Variants in CEP83 observed in about 807,000 individuals in gnomAD.
CEP83 encodes the protein centrosomal protein 83.
In CEP83, 70 loss-of-function variants were observed where a neutral mutation model predicts 101.9. The observed-to-expected ratio is 0.69, with a 90% CI of 0.57 to 0.84. The LOEUF is 0.84. Ranked by LOEUF, CEP83 falls within the 40% of genes least tolerant of loss-of-function variation. The pLI, the probability that CEP83 is intolerant of heterozygous loss-of-function variation, is 0.00. For synonymous variants in CEP83, 264 were observed against 267.9 expected, an observed-to-expected ratio of 0.99 and a Z score of 0.14; for missense variants, 715 against 787.2, an observed-to-expected ratio of 0.91 and a Z score of 1.10.
At chr12:94,352,254 A>G (rs1416909220) in intron 11 of CEP83, among the ~76,000 whole-genome samples, 1 of 152,112 alleles carries the variant, frequency 6.6e-6, no homozygotes, top group East Asian at 1.9e-4. Flanking sequence ...CCCCGTCTCT[A>G]CTAAAAATAC....
At position 94,434,457 on chromosome 12, in the gene CEP83, T is replaced by C. The variant is rs190640233; in HGVS notation, c.-102+818A>G. Among the ~76,000 whole-genome samples the C allele has an allele frequency of 7.2e-5, 11 of 152,308 alleles. No homozygotes were observed. The East Asian group carries it at 2.1e-3, about 29-fold the overall frequency. ...GAAAATATTTTTTACAGCAGAGACG[T>C]AAGAAAACCGGTTTAGAAAATAGGA... On this transcript the variant is annotated intron_variant, in intron 2 of 16. Transcript: ENST00000397809.
intron 11 of CEP83, among the ~76,000 whole-genome samples, chr12:94,356,354 C>T (rs1023291621): frequency 5.9e-5 from 9 of 152,152 alleles, no homozygotes; most frequent in African/African-American, 1.7e-4. Flanking sequence ...AAAGCTAAAG[C>T]GGCAAAGGAA....
the CEP83 span, among the ~76,000 whole-genome samples, chr12:94,297,972 C>CT: frequency 6.6e-6 from 1 of 151,988 alleles, no homozygotes; most frequent in Non-Finnish European, 1.5e-5. Flanking sequence ...CTGTGGTGAT[C>CT]TTTTTTTTCC....
the CEP83 span, among the ~76,000 whole-genome samples, chr12:94,273,182 T>A: frequency 6.6e-6 from 1 of 152,252 alleles, no homozygotes; most frequent in East Asian, 1.9e-4. Flanking sequence ...AAGCACTCAA[T>A]AAATGCTGGT....
chr12:94,317,432 T>C (rs752124175), intron 14 of CEP83, among the ~76,000 whole-genome samples: 1 of 152,226 alleles, frequency 6.6e-6, no homozygotes, highest in Non-Finnish European at 1.5e-5. Flanking sequence ...AACCCATTTA[T>C]CAACTTTTGC....
chr12:94,371,494 A>G (rs1441812756), intron 8 of CEP83, among the ~76,000 whole-genome samples: 1 of 152,224 alleles, frequency 6.6e-6, no homozygotes, highest in East Asian at 1.9e-4. Context: ...ATATAGTCAT[A>G]TAATAAGGAT....
intron 6 of CEP83, among the ~76,000 whole-genome samples, chr12:94,398,532 A>T (rs1169900490): frequency 1.3e-5 from 2 of 152,198 alleles, no homozygotes; most frequent in South Asian, 4.1e-4. Context: ...GAGGATGTAC[A>T]TCACCTCAGG....
chr12:94,429,365 A>C (rs1326830588), intron 2 of CEP83, among the ~76,000 whole-genome samples: 1 of 152,230 alleles, frequency 6.6e-6, no homozygotes, highest in Non-Finnish European at 1.5e-5. Context: ...AGGGAACTGC[A>C]TGAAGAGTGC....
At chr12:94,316,616 C>T (rs1970729943) in intron 14 of CEP83, among the ~76,000 whole-genome samples, 1 of 150,326 alleles carries the variant, frequency 6.7e-6, no homozygotes. Context: ...TGTTGCTCCC[C>T]TTTGTGTCCA....
At chr12:94,327,588 ATG>A (rs2059025915) in intron 14 of CEP83, among the ~76,000 whole-genome samples, 1 of 152,204 alleles carries the variant, frequency 6.6e-6, no homozygotes, top group Non-Finnish European at 1.5e-5. Flanking sequence ...CCTATCTGAC[ATG>A]TGTTTTTTAT....
chr12:94,303,749 TCCCC>T, downstream of CEP83: 3 of 1,344,376 alleles, frequency 2.2e-6, no homozygotes, highest in Non-Finnish European at 1.9e-6. Context: ...TTTTTTTTTT[TCCCC>T]AGGAAGCACC....
chr12:94,371,817 G>C (rs750041860), intron 8 of CEP83, among the ~76,000 whole-genome samples: 4 of 152,160 alleles, frequency 2.6e-5, no homozygotes, highest in Non-Finnish European at 5.9e-5. Flanking sequence ...TCAAGGAATA[G>C]TTTCATGCAA....
chr12:94,416,573 C>CACA (rs1472541190), intron 2 of CEP83, among the ~76,000 whole-genome samples: 1 of 147,966 alleles, frequency 6.8e-6, no homozygotes, highest in Non-Finnish European at 1.5e-5. Flanking sequence ...CACACACACA[C>CACA]AAAAAAAAAA....
At chr12:94,420,008 C>T (rs1015805182) in intron 2 of CEP83, among the ~76,000 whole-genome samples, 4 of 152,122 alleles carry the variant, frequency 2.6e-5, no homozygotes, top group Admixed American at 1.3e-4. Flanking sequence ...GTTTACTGGC[C>T]ATTTAGATAT....
At chr12:94,296,104 CTT>C in the CEP83 span, among the ~76,000 whole-genome samples, 4 of 152,152 alleles carry the variant, frequency 2.6e-5, no homozygotes, top group Non-Finnish European at 5.9e-5. Context: ...CTCACCTGTA[CTT>C]TCTTTTCCTC....
At chr12:94,408,766 T>G (rs2063704798) in intron 4 of CEP83, among the ~76,000 whole-genome samples, 1 of 152,010 alleles carries the variant, frequency 6.6e-6, no homozygotes, top group Admixed American at 6.6e-5. Context: ...CTTTACTTTT[T>G]AGAGACAGAG....
At chr12:94,309,788 T>G in intron 16 of CEP83, 130 bp downstream of exon 16, 1 of 516,308 alleles carries the variant, frequency 1.9e-6, no homozygotes. Flanking sequence ...GTTTTAAATG[T>G]TTATGCCATT....
chr12:94,331,727 C>A lies in CEP83; in HGVS notation c.1680G>T (p.Leu560=), dbSNP rs747886072. 5 of 1,613,936 alleles carry A rather than the reference C, an allele frequency of 3.1e-6. No individual in the cohort carries two copies. The highest frequency in any genetic ancestry group is 1.1e-5 in the South Asian group (1 of 91,086). The change falls in exon 14 of 17, where the codon CTG becomes CTT. Residue 560 remains leucine, a synonymous_variant. Transcript: ENST00000397809. ...TTTTCTGGGCAATTGCAGCTCGCTG[C>A]AGTTTCTCCTTAGCTTGATTGTACT... ...EEKYNQAKEK[L]QRAAIAQKKR...
chr12:94,424,405 A>G, intron 2 of CEP83: 1 of 1,613,944 alleles, frequency 6.2e-7, no homozygotes, highest in Non-Finnish European at 8.5e-7. Flanking sequence ...TGATGGCTTC[A>G]CACTTCTCTG....
Sources: gnomAD v4.1 joint callset for allele counts (sites outside exome capture counted in the v4.1 genomes callset) on GRCh38, gnomAD v4.1.1 for gene constraint, MANE v1.5 for transcripts, NCBI Gene and HGNC (gene_info 2026-07-23, HGNC 2026-07-21) for gene names.